Variants in RIMBP2 observed in about 807,000 individuals in gnomAD.
RIMBP2 encodes RIMS binding protein 2.
RIMBP2 carries 48 observed loss-of-function variants against 118.6 expected under a neutral mutation model. The observed-to-expected ratio is 0.40, with a 90% CI of 0.32 to 0.51. The LOEUF is 0.51. Among genes scored for constraint, RIMBP2 ranks in the 20% least tolerant of loss-of-function variants. RIMBP2 has a pLI of 0.41. For missense variants in RIMBP2, 1,551 were observed against 1,768.3 expected (o/e 0.88, Z 2.20); for synonymous variants, 762 against 742.9 (o/e 1.03, Z -0.42).
intron 1 of RIMBP2, among the ~76,000 whole-genome samples, chr12:130,663,499 T>G (rs1251331357): frequency 1.3e-5 from 2 of 151,582 alleles, no homozygotes; most frequent in African/African-American, 4.9e-5. Context: ...AAAAATTAGG[T>G]TTATAAAAGT....
Position 130,450,602 on chromosome 12 carries a change from G to A in RIMBP2, c.505-326C>T, listed in dbSNP as rs1409536367. On this transcript the variant is annotated intron_variant, in intron 8 of 22. Coordinates refer to ENST00000690449, the MANE Select transcript of RIMBP2 (RefSeq NM_001393629.1). The surrounding 1 kb of genome is among the most constrained non-coding windows in gnomAD (Gnocchi z 4.8). The stretch of plus-strand genomic sequence containing the variant: ...GTCAGCGGCGTGGCCTTTTCTCATA[G>A]GGGTGGGGGTAAAATTAAGCAGTAT... 6.6e-6 allele frequency among the ~76,000 whole-genome samples: 1 copy of A among 151,724 alleles called. No individual in the cohort carries two copies. The highest frequency in any genetic ancestry group is 2.4e-5 in the African/African-American group (1 of 41,248).
intron 1 of RIMBP2, among the ~76,000 whole-genome samples, chr12:130,691,281 C>A (rs1175095354): frequency 6.6e-6 from 1 of 152,170 alleles, no homozygotes; most frequent in Non-Finnish European, 1.5e-5. Context: ...GAAGGCCCAG[C>A]GGAACCAACC....
chr12:130,421,691 A>ATGTGTATGTGTGTG (rs2076419137), intron 17 of RIMBP2, among the ~76,000 whole-genome samples: 1 of 147,188 alleles, frequency 6.8e-6, no homozygotes, highest in African/African-American at 2.5e-5. Flanking sequence ...CTGCATTTAT[A>ATGTGTATGTGTGTG]TGTGTGTGTG....
At chr12:130,517,414 G>T (rs1011389702) in intron 3 of RIMBP2, among the ~76,000 whole-genome samples, 7 of 152,108 alleles carry the variant, frequency 4.6e-5, no homozygotes, top group Admixed American at 3.9e-4. Context: ...CAGGTATTCT[G>T]TTATAAGCAA....
chr12:130,437,057 G>A lies in RIMBP2; in HGVS notation c.1891C>T (p.His631Tyr). 1 of 1,573,806 alleles carries A rather than the reference G, an allele frequency of 6.4e-7. No individual in the cohort carries two copies. ...TCCATCCTGGCGTGGGGACCCAGGT[G>A]CTCGTCTTTGGTTTCGGGGACTCCA... is the stretch of plus-strand genomic sequence containing the variant. Reference protein sequence around the residue: ...SSGVPETKDEHLGPHARMDEA... With the variant: ...SSGVPETKDEYLGPHARMDEA... The change falls in exon 13 of 23, where the codon CAC becomes TAC. Residue 631 changes from histidine to tyrosine, a missense_variant. This residue lies in a region of RIMBP2 where 1,038 missense variants were observed against 1,125.1 expected (regional missense o/e 0.92). Transcript: ENST00000690449.
Position 130,564,394 on chromosome 12 carries a change from A to T in RIMBP2, c.-216-46477T>A, listed in dbSNP as rs528865032. ...ATCTTTTACTTTTTTCTAACATTTT[A>T]AAAATTGGGGTGAGATTTACATAAC... On this transcript the variant is annotated intron_variant, in intron 2 of 22. Coordinates refer to ENST00000690449, the MANE Select transcript of RIMBP2 (RefSeq NM_001393629.1). Among the ~76,000 whole-genome samples, 42 of 152,194 alleles carry T rather than the reference A, an allele frequency of 2.8e-4. No homozygotes were observed. In the South Asian group the frequency reaches 8.7e-3, roughly 32 times the overall value.
chr12:130,542,103 G>A (rs1396300915), intron 2 of RIMBP2, among the ~76,000 whole-genome samples: 1 of 147,282 alleles, frequency 6.8e-6, no homozygotes, highest in Non-Finnish European at 1.5e-5. Flanking sequence ...AATGTGGTAT[G>A]TCAGGTAAAA....
chr12:130,432,127 T>A, intron 14 of RIMBP2: 1 of 424,788 alleles, frequency 2.4e-6, no homozygotes. Flanking sequence ...CAGCCTTTCC[T>A]CCGGGTTTGT....
At chr12:130,549,292 G>A (rs1282823830) in intron 2 of RIMBP2, among the ~76,000 whole-genome samples, 1 of 152,148 alleles carries the variant, frequency 6.6e-6, no homozygotes, top group African/African-American at 2.4e-5. Context: ...ATGATACGAC[G>A]ACAGTTTTTA....
chr12:130,412,042 G>T (rs543173049), intron 19 of RIMBP2, among the ~76,000 whole-genome samples: 1 of 152,050 alleles, frequency 6.6e-6, no homozygotes, highest in South Asian at 2.1e-4. Flanking sequence ...TGAGGACATT[G>T]TTATTGCACG....
intron 1 of RIMBP2, among the ~76,000 whole-genome samples, chr12:130,707,405 A>G (rs1015439704): frequency 1.3e-5 from 2 of 152,138 alleles, no homozygotes; most frequent in Non-Finnish European, 2.9e-5. Context: ...AGGTGATAGG[A>G]CAGGAGGTCC....
chr12:130,566,689 A>C (rs1288993087), intron 2 of RIMBP2, among the ~76,000 whole-genome samples: 1 of 152,222 alleles, frequency 6.6e-6, no homozygotes, highest in African/African-American at 2.4e-5. Context: ...GCTTGACTGC[A>C]CATCTCGTGA....
chr12:130,428,446 A>C (rs2076936713), intron 14 of RIMBP2, 109 bp from the exon 15 acceptor site: 1 of 1,183,736 alleles, frequency 8.4e-7, no homozygotes, highest in African/African-American at 1.5e-5. Flanking sequence ...CACGGGGCTC[A>C]CAGGCCTAGA....
In RIMBP2 at chr12:130,706,364, G is replaced by A. The variant is rs541139712; in HGVS notation, c.-352+9858C>T. 3.9e-5 allele frequency among the ~76,000 whole-genome samples: 6 copies of A among 152,364 alleles called. No homozygotes were observed. The East Asian group carries it at 7.7e-4, about 20-fold the overall frequency. The stretch of plus-strand genomic sequence containing the variant: ...ACCTGCATTTTATGGATAAGACAAC[G>A]AAAGCGCAGAGAGGTTCAGAAGAGA... On this transcript the variant is annotated intron_variant, in intron 1 of 22. Transcript: ENST00000690449.
At chr12:130,506,170 G>A (rs1394203788) in intron 4 of RIMBP2, among the ~76,000 whole-genome samples, 1 of 152,044 alleles carries the variant, frequency 6.6e-6, no homozygotes, top group Non-Finnish European at 1.5e-5. Flanking sequence ...AATATTGAAG[G>A]AGAGCTCAGC....
chr12:130,479,066 G>T, intron 4 of RIMBP2, 50 bp from the exon 5 acceptor site: 1 of 1,486,096 alleles, frequency 6.7e-7, no homozygotes, highest in Non-Finnish European at 9.3e-7. Context: ...TGTGCCCATG[G>T]GCGTGCATCC....
intron 4 of RIMBP2, among the ~76,000 whole-genome samples, chr12:130,482,437 A>G (rs2082093698): frequency 6.6e-6 from 1 of 152,178 alleles, no homozygotes; most frequent in African/African-American, 2.4e-5. Flanking sequence ...GAAGGGCCCG[A>G]GTGTGGCACG....
intron 2 of RIMBP2, among the ~76,000 whole-genome samples, chr12:130,583,986 C>T (rs73456741): frequency 0.14 from 20,772 of 150,678 alleles, 1,852 homozygotes; most frequent in East Asian, 0.36. Flanking sequence ...TCATCATCAC[C>T]GTCACCACCA....
At chr12:130,438,335 A>ACCCACCCCCC in intron 12 of RIMBP2, 30 bp downstream of exon 12, 1 of 865,012 alleles carries the variant, frequency 1.2e-6, no homozygotes, top group Non-Finnish European at 1.9e-6. Flanking sequence ...GGCCTAACAA[A>ACCCACCCCCC]CCCTCCCCAC....
Sources: gnomAD v4.1 joint callset for allele counts (sites outside exome capture counted in the v4.1 genomes callset) on GRCh38, gnomAD v4.1.1 for gene constraint, gnomAD v4.1.1 regional missense constraint, Gnocchi (gnomAD v3.1) non-coding constraint, MANE v1.5 for transcripts, NCBI Gene and HGNC (gene_info 2026-07-23, HGNC 2026-07-21) for gene names.